Variants in SCN10A observed in about 807,000 individuals in gnomAD.
The protein encoded by SCN10A is sodium voltage-gated channel alpha subunit 10.
Under a neutral mutation model 170.7 loss-of-function variants are expected in SCN10A, and 162 were observed. The ratio of observed to expected loss-of-function variants is 0.95; its 90% CI spans 0.84 to 1.08. SCN10A has a LOEUF of 1.08. Ranked by LOEUF, SCN10A falls within the 50% of genes least tolerant of loss-of-function variation. The pLI is 0.00. For synonymous variants in SCN10A, 985 were observed against 904.6 expected (o/e 1.09, Z -1.59); for missense variants, 2,527 against 2,436.9 (o/e 1.04, Z -0.78).
At chr3:38,752,732 G>A (rs1261680132) in intron 11 of SCN10A, among the ~76,000 whole-genome samples, 1 of 152,202 alleles carries the variant, frequency 6.6e-6, no homozygotes, top group African/African-American at 2.4e-5. Flanking sequence ...CCAGGAGAGA[G>A]GAGAGATTAC....
At chr3:38,745,854 T>C (rs1346451850) in intron 13 of SCN10A, among the ~76,000 whole-genome samples, 1 of 151,856 alleles carries the variant, frequency 6.6e-6, no homozygotes, top group Non-Finnish European at 1.5e-5. Context: ...CCTATTTCTG[T>C]ACCTTCCTTT....
chr3:38,743,729 T>G (rs1308908750), intron 13 of SCN10A, among the ~76,000 whole-genome samples: 1 of 152,176 alleles, frequency 6.6e-6, no homozygotes, highest in African/African-American at 2.4e-5. Context: ...TGTTTTTGTC[T>G]CCCTTTTCCT....
chr3:38,789,951 A>G (rs958258320), intron 3 of SCN10A, among the ~76,000 whole-genome samples: 2 of 152,212 alleles, frequency 1.3e-5, no homozygotes, highest in South Asian at 2.1e-4. Context: ...CAGAGAGAGT[A>G]CAACACTCAT....
chr3:38,792,074 G>C lies in SCN10A; in HGVS notation c.365C>G (p.Thr122Arg), dbSNP rs142884499. The change falls in exon 3 of 28, where the codon ACG becomes AGG. Residue 122 changes from threonine (T) to arginine (R), a missense_variant. By Grantham distance (71) the Thr-to-Arg change is moderately conservative (BLOSUM62 -1). Transcript: ENST00000449082. ...TGAGTGGACAGACACTTTGATGGCCGTTCTTCTGATCAGGTTGAAAGGACT... is the reference window on the plus strand; with the variant it reads ...TGAGTGGACAGACACTTTGATGGCCCTTCTTCTGATCAGGTTGAAAGGACT... ...LFSPFNLIRR[T>R]AIKVSVHSWF... 5 of 1,613,646 alleles carry C rather than the reference G, an allele frequency of 3.1e-6. No homozygotes were observed. In the South Asian group the frequency reaches 4.4e-5, roughly 14 times the overall value.
intron 26 of SCN10A, among the ~76,000 whole-genome samples, chr3:38,706,875 G>T (rs936120517): frequency 6.6e-6 from 1 of 152,110 alleles, no homozygotes; most frequent in Non-Finnish European, 1.5e-5. Flanking sequence ...ACCTGTAGGC[G>T]TGGGGTAGAA....
At chr3:38,781,141 T>A (rs995893620) in intron 4 of SCN10A, among the ~76,000 whole-genome samples, 3 of 152,128 alleles carry the variant, frequency 2.0e-5, no homozygotes. Context: ...AAAAATGAAC[T>A]ATTTCTTAAT....
intron 8 of SCN10A, among the ~76,000 whole-genome samples, chr3:38,759,686 T>A (rs2063846921): frequency 6.6e-6 from 1 of 152,216 alleles, no homozygotes; most frequent in African/African-American, 2.4e-5. Context: ...ATGTTTACGG[T>A]TGGGAGATTT....
rs147246725 is a variant in SCN10A, at chr3:38,752,373, C to G, written c.1601G>C (p.Arg534Pro). The G allele has an allele frequency of 2.5e-6, 4 of 1,613,938 alleles. No homozygotes were observed. The highest frequency in any genetic ancestry group is 3.4e-6 in the Non-Finnish European group (4 of 1,179,964). Residue 534 changes from arginine (R) to proline (P), a missense_variant, in exon 12 of 28, where the codon CGG (arginine) becomes CCG (proline). Physicochemically the swap from Arg to Pro is moderately radical, Grantham distance 103. Transcript: ENST00000449082. ...GVFPGDHESH[R>P]GSLLLGGGAG... Reference sequence around the variant, plus strand: ...ACCCCCACCCAGCAGCAGAGAGCCCCGATGGCTTTCGTGGTCTCCAGGAAA... The same window carrying G: ...ACCCCCACCCAGCAGCAGAGAGCCCGGATGGCTTTCGTGGTCTCCAGGAAA...
intron 1 of SCN10A, among the ~76,000 whole-genome samples, chr3:38,803,372 T>C (rs2064385378): frequency 1.3e-5 from 2 of 152,150 alleles, no homozygotes; most frequent in African/African-American, 2.4e-5. Context: ...GCAGCACTAT[T>C]CACAATAGCA....
chr3:38,744,099 A>G (rs1384285751), intron 13 of SCN10A, among the ~76,000 whole-genome samples: 1 of 152,242 alleles, frequency 6.6e-6, no homozygotes, highest in East Asian at 1.9e-4. Flanking sequence ...ATACATTGTG[A>G]AAAAGAATGA....
intron 5 of SCN10A, among the ~76,000 whole-genome samples, chr3:38,770,097 T>C (rs933999919): frequency 5.9e-5 from 9 of 152,202 alleles, no homozygotes; most frequent in Non-Finnish European, 1.3e-4. Flanking sequence ...AGCCAGGATG[T>C]TGCAGGCAGT....
chr3:38,718,661 T>C lies in SCN10A; in HGVS notation c.3673A>G (p.Ile1225Val), dbSNP rs1482614372. ...TNAWCWLDFL[I>V]VNISLISLTA... ...CCCACTGAGCCACTCACATTCACAA[T>C]GAGGAAGTCCAGCCAGCACCAGGCA... Residue 1225 changes from isoleucine to valine, a missense_variant, in exon 21 of 28, where the codon ATT becomes GTT. Ile to Val is a conservative substitution (Grantham distance 29). Coordinates refer to ENST00000449082, the MANE Select transcript of SCN10A (RefSeq NM_006514.4). 6.2e-7 allele frequency: 1 copy of C among 1,614,094 alleles called. No individual in the cohort carries two copies. Among genetic ancestry groups the C allele is most frequent in the Non-Finnish European group, 8.5e-7 (1 of 1,179,984 alleles).
intron 18 of SCN10A, among the ~76,000 whole-genome samples, chr3:38,724,338 G>C (rs541983082): frequency 1.7e-4 from 26 of 152,228 alleles, no homozygotes; most frequent in Non-Finnish European, 3.4e-4. Flanking sequence ...CCCAGTGCCT[G>C]TCACAAAGTC....
intron 1 of SCN10A, among the ~76,000 whole-genome samples, chr3:38,803,860 C>T (rs759564007): frequency 1.3e-5 from 2 of 152,120 alleles, no homozygotes; most frequent in African/African-American, 4.8e-5. Flanking sequence ...CATCCAGTCT[C>T]TCAGAAAACT....
intron 4 of SCN10A, among the ~76,000 whole-genome samples, chr3:38,787,440 C>A (rs1199879148): frequency 1.3e-5 from 2 of 152,044 alleles, no homozygotes. Context: ...TTTATGTATA[C>A]AATCTTATTA....
At chr3:38,714,115 G>T (rs763332642) in intron 21 of SCN10A, 35 bp from the exon 22 acceptor site, 2 of 1,608,558 alleles carry the variant, frequency 1.2e-6, no homozygotes, top group Non-Finnish European at 1.7e-6. Flanking sequence ...ATCACTCTAG[G>T]TTTCCAGAAA....
intron 15 of SCN10A, among the ~76,000 whole-genome samples, chr3:38,737,810 T>TTCTTTCTTTC (rs1392958040): frequency 7.5e-5 from 9 of 120,092 alleles, no homozygotes; most frequent in South Asian, 3.1e-4. Flanking sequence ...CTTTCTTTCT[T>TTCTTTCTTTC]TCTTTCTTTC....
intron 5 of SCN10A, among the ~76,000 whole-genome samples, chr3:38,769,929 C>T (rs1415279118): frequency 6.6e-6 from 1 of 152,152 alleles, no homozygotes; most frequent in African/African-American, 2.4e-5. Context: ...AGTCTCCCAG[C>T]CATGGATATC....
intron 14 of SCN10A, among the ~76,000 whole-genome samples, chr3:38,741,003 G>A (rs2063625533): frequency 6.6e-6 from 1 of 152,122 alleles, no homozygotes; most frequent in Non-Finnish European, 1.5e-5. Flanking sequence ...CCTAGGTGCT[G>A]CCAAAACATG....
Sources: gnomAD v4.1 joint callset for allele counts (sites outside exome capture counted in the v4.1 genomes callset) on GRCh38, gnomAD v4.1.1 for gene constraint, MANE v1.5 for transcripts, NCBI Gene and HGNC (gene_info 2026-07-23, HGNC 2026-07-21) for gene names.